PCNX2: variants seen among roughly 807,000 people sequenced by gnomAD.
PCNX2 encodes the protein pecanex 2.
A neutral mutation model predicts 223.8 loss-of-function variants in PCNX2; 168 were observed. The ratio of observed to expected loss-of-function variants is 0.75; its 90% CI spans 0.66 to 0.85. The LOEUF (loss-of-function observed/expected upper bound fraction) is 0.85. PCNX2 is among the 40% of genes least tolerant of loss of function. PCNX2 has a pLI of 0.00. For synonymous variants in PCNX2, 1,006 were observed against 1,052.6 expected (o/e 0.96, Z 0.86); for missense variants, 2,507 against 2,675.5 (o/e 0.94, Z 1.39).
At chr1:233,290,939 T>A (rs904778459) in intron 1 of PCNX2, 3 of 985,202 alleles carry the variant, frequency 3.0e-6, no homozygotes, top group Middle Eastern at 1.0e-3. Flanking sequence ...CGGCATGGGG[T>A]CTTGAAGGAT....
intron 21 of PCNX2, among the ~76,000 whole-genome samples, chr1:233,109,478 T>A (rs1674992154): frequency 6.6e-6 from 1 of 152,164 alleles, no homozygotes; most frequent in African/African-American, 2.4e-5. Context: ...AGATGGAAAC[T>A]ATAAAATAAA....
intron 28 of PCNX2, among the ~76,000 whole-genome samples, chr1:233,013,685 C>A (rs937351526): frequency 1.3e-5 from 2 of 152,088 alleles, no homozygotes; most frequent in African/African-American, 2.4e-5. Context: ...AGAAACAATC[C>A]CAGACGGGCA....
intron 16 of PCNX2, among the ~76,000 whole-genome samples, chr1:233,178,856 T>A (rs1679635218): frequency 6.6e-6 from 1 of 152,192 alleles, no homozygotes; most frequent in Non-Finnish European, 1.5e-5. Context: ...ACTAAAATGT[T>A]TGCTAGATGT....
chr1:233,079,727 T>A (rs1291230109), intron 23 of PCNX2, among the ~76,000 whole-genome samples: 1 of 152,016 alleles, frequency 6.6e-6, no homozygotes, highest in Non-Finnish European at 1.5e-5. Flanking sequence ...TAGGGGAGTG[T>A]CATCATTCTC....
At chr1:233,114,965 G>A (rs1422397681) in intron 21 of PCNX2, among the ~76,000 whole-genome samples, 1 of 152,070 alleles carries the variant, frequency 6.6e-6, no homozygotes, top group Non-Finnish European at 1.5e-5. Context: ...AGAAGGTGGG[G>A]AAGATTAAAC....
At chr1:233,034,462 G>A (rs527828070) in intron 25 of PCNX2, among the ~76,000 whole-genome samples, 2 of 152,332 alleles carry the variant, frequency 1.3e-5, no homozygotes, top group African/African-American at 2.4e-5. Flanking sequence ...AGAAATAAAT[G>A]TTTGTTGTCT....
intron 21 of PCNX2, among the ~76,000 whole-genome samples, chr1:233,128,646 T>C (rs921483891): frequency 3.9e-5 from 6 of 152,182 alleles, no homozygotes; most frequent in Admixed American, 6.5e-5. Flanking sequence ...ACTATGGTTT[T>C]TAAGAACTTT....
At chr1:233,009,719 T>C (rs1670399773) in intron 28 of PCNX2, among the ~76,000 whole-genome samples, 1 of 152,258 alleles carries the variant, frequency 6.6e-6, no homozygotes, top group South Asian at 2.1e-4. Context: ...TCCATGTCAC[T>C]GGTTTGCGAT....
chr1:233,135,125 A>G lies in PCNX2; in HGVS notation c.3725T>C (p.Val1242Ala), dbSNP rs1161679851. The G allele has an allele frequency of 6.2e-6, 10 of 1,613,694 alleles. No homozygotes were observed. The highest frequency in any genetic ancestry group is 8.5e-6 in the Non-Finnish European group (10 of 1,179,752). ...KLLRTSFCNP[V>A]YQFINLSFTV... ...GAAGCTCAAGTTAATAAACTGGTAAACCGGGTTGCAGAATGATGTCCGCAA... is the reference window on the plus strand; with the variant it reads ...GAAGCTCAAGTTAATAAACTGGTAAGCCGGGTTGCAGAATGATGTCCGCAA... The change falls in exon 21 of 34, where the codon GTT (valine) becomes GCT (alanine). Residue 1242 changes from valine to alanine, a missense_variant. Transcript: ENST00000258229.
intron 25 of PCNX2, 22 bp from the exon 26 acceptor site, chr1:233,025,421 GGAAGTTT>G: frequency 6.2e-7 from 1 of 1,611,626 alleles, no homozygotes; most frequent in Non-Finnish European, 8.5e-7. Flanking sequence ...CAAACATGAA[GGAAGTTT>G]GAAGAGAAGG....
At chr1:233,162,494 C>G (rs12027836) in intron 17 of PCNX2, among the ~76,000 whole-genome samples, 10,602 of 152,134 alleles carry the variant, frequency 0.07, 581 homozygotes, top group East Asian at 0.31. Flanking sequence ...TAAAAAGAAA[C>G]AGTGAAAAAG....
the PCNX2 span, among the ~76,000 whole-genome samples, chr1:233,321,424 A>G: frequency 1.3e-5 from 2 of 152,030 alleles, no homozygotes; most frequent in African/African-American, 4.8e-5. Flanking sequence ...CAGCCTCCCA[A>G]GTAGCTGGGA....
chr1:233,051,385 A>C (rs1166840427), intron 25 of PCNX2, among the ~76,000 whole-genome samples: 1 of 152,190 alleles, frequency 6.6e-6, no homozygotes, highest in Non-Finnish European at 1.5e-5. Context: ...CCAAACAGAC[A>C]CATGCACTCA....
chr1:233,262,140 T>C lies in PCNX2; in HGVS notation c.385A>G (p.Lys129Glu). ...PSNNRQIHNGKKEEASRNLST... is the reference protein window; with the variant it reads ...PSNNRQIHNGEKEEASRNLST... ...AGGTTTCGACTGGCCTCTTCCTTTT[T>C]GCCATTGTGAATCTGCCTATTATTG... Residue 129 changes from lysine to glutamate, a missense_variant, in exon 3 of 34, where the codon AAA becomes GAA. Around this residue, in one of 3 missense-constraint regions of PCNX2, gnomAD observed 1,031 missense variants for 1,021.7 expected, o/e 1.01. Transcript: ENST00000258229. 6.2e-7 allele frequency: 1 copy of C among 1,613,834 alleles called. No homozygotes were observed. The highest frequency in any genetic ancestry group is 8.5e-7 in the Non-Finnish European group (1 of 1,179,762).
intron 18 of PCNX2, 47 bp from the exon 19 acceptor site, chr1:233,160,480 G>A: frequency 6.4e-7 from 1 of 1,570,358 alleles, no homozygotes; most frequent in Non-Finnish European, 8.7e-7. Flanking sequence ...TAGAGGATGG[G>A]GAGAGGGATG....
intron 26 of PCNX2, among the ~76,000 whole-genome samples, chr1:233,017,598 G>T (rs1670729873): frequency 6.6e-6 from 1 of 151,924 alleles, no homozygotes; most frequent in Admixed American, 6.6e-5. Context: ...TTACAGGCAT[G>T]AGCCACCATG....
At chr1:233,020,445 T>A (rs1041075950) in intron 26 of PCNX2, among the ~76,000 whole-genome samples, 10 of 152,184 alleles carry the variant, frequency 6.6e-5, no homozygotes, top group African/African-American at 1.2e-4. Context: ...ATTGATGGGG[T>A]AAACCTAGAC....
chr1:233,102,101 T>C (rs1366575800), intron 21 of PCNX2, among the ~76,000 whole-genome samples: 1 of 146,496 alleles, frequency 6.8e-6, no homozygotes, highest in Admixed American at 6.8e-5. Context: ...TTTTTTTTTT[T>C]TTTTGGCTCC....
chr1:232,999,141 T>C lies in PCNX2; in HGVS notation c.5567A>G (p.Asp1856Gly), dbSNP rs1036153146. 1.2e-6 allele frequency: 2 copies of C among 1,613,502 alleles called. No homozygotes were observed. Among genetic ancestry groups the C allele is most frequent in the African/African-American group, 2.7e-5 (2 of 74,906 alleles). Reference sequence around the variant, plus strand: ...GGTCCAGAACCAGGTCCTAATTCTGTCCAAAGTGATGGGTCCACCCCAGAT... The same window carrying C: ...GGTCCAGAACCAGGTCCTAATTCTGCCCAAAGTGATGGGTCCACCCCAGAT... ...KNIWGGPITL[D>G]RIRTWFWTKW... Residue 1856 changes from aspartate to glycine, a missense_variant, in exon 31 of 34, where the codon GAC (aspartate) becomes GGC (glycine). Physicochemically the swap from Asp to Gly is moderately conservative, Grantham distance 94. Around this residue, in one of 3 missense-constraint regions of PCNX2, gnomAD observed 1,372 missense variants for 1,509.4 expected, o/e 0.91. Coordinates refer to ENST00000258229, the MANE Select transcript of PCNX2 (RefSeq NM_014801.4).
Sources: allele counts gnomAD v4.1 joint callset (sites outside exome capture counted in the v4.1 genomes callset), GRCh38; gene constraint gnomAD v4.1.1; regional missense constraint gnomAD v4.1.1; transcripts MANE v1.5; gene names NCBI Gene and HGNC (gene_info 2026-07-23, HGNC 2026-07-21).